The following OLFM1 variants were observed in gnomAD, a reference collection of about 807,000 sequenced individuals.
OLFM1 encodes olfactomedin 1.
OLFM1 carries 9 observed loss-of-function variants against 49.7 expected under a neutral mutation model. That is an observed-to-expected ratio of 0.18 (90% CI 0.11 to 0.32). The LOEUF is 0.32. OLFM1 is among the 10% of genes least tolerant of loss of function. The pLI is 1.00. For missense variants in OLFM1, 369 were observed against 661.8 expected (o/e 0.56, Z 4.85); for synonymous variants, 240 against 271.8 (o/e 0.88, Z 1.15).
rs1831166809 is a variant in OLFM1, at chr9:135,120,115, C to T, written c.1395C>T (p.Asn465=). 1 of 1,614,094 alleles carries T rather than the reference C, an allele frequency of 6.2e-7. No homozygotes were observed. Among genetic ancestry groups the T allele is most frequent in the Non-Finnish European group, 8.5e-7 (1 of 1,180,024 alleles). The change falls in exon 6 of 6, where the codon AAC becomes AAT. Residue 465 remains asparagine (N), a synonymous_variant. Transcript: ENST00000371793. ...AGGACCGGGCCCTGTATGCCTGGAA[C>T]AACGGCCACCAGATCCTCTACAACG... ...NPKDRALYAW[N]NGHQILYNVT...
In OLFM1 at chr9:135,088,063, C is replaced by T; in HGVS notation, c.74C>T (p.Thr25Met). The T allele has an allele frequency of 6.9e-7, 1 of 1,449,202 alleles. No individual in the cohort carries two copies. The highest frequency in any genetic ancestry group is 9.2e-7 in the Non-Finnish European group (1 of 1,088,810). 89.8% of individuals were successfully genotyped at this position (1,449,202 alleles called of 1,614,324 possible). A position where few individuals can be genotyped will look rare whatever the true frequency, so the allele number is the denominator to read the frequency against. The stretch of plus-strand genomic sequence containing the variant: ...ATGATCACTAACTGGATGTCCCAGA[C>T]GCTGCCCTCGCTGGTGGGCCTCAAC... ...MAMITNWMSQ[T>M]LPSLVGLNTT... The change falls in exon 1 of 6, where the codon ACG becomes ATG. Residue 25 changes from threonine (T) to methionine (M), a missense_variant. By Grantham distance (81) the Thr-to-Met change is moderately conservative (BLOSUM62 -1). Transcript: ENST00000371793. The surrounding 1 kb of genome is among the most constrained non-coding windows in gnomAD (Gnocchi z 4.8).
chr9:135,112,847 G>A (rs946043347), intron 5 of OLFM1, among the ~76,000 whole-genome samples: 2 of 152,208 alleles, frequency 1.3e-5, no homozygotes, highest in African/African-American at 4.8e-5. Flanking sequence ...CTGAGGGGGA[G>A]AAGGAAGGGG....
chr9:135,077,201 A>C (rs1014615723), intron 1 of OLFM1: 1 of 1,528,358 alleles, frequency 6.5e-7, no homozygotes, highest in African/African-American at 1.4e-5. Context: ...CCTGCAGAGA[A>C]GAGCCAACCA....
chr9:135,093,923 G>A (rs1830748606), intron 2 of OLFM1, among the ~76,000 whole-genome samples: 1 of 152,146 alleles, frequency 6.6e-6, no homozygotes, highest in Non-Finnish European at 1.5e-5. Context: ...GAATAGCTTG[G>A]TATCTTTAAA....
In OLFM1 at chr9:135,099,233, A is replaced by G. The variant is rs77706735; in HGVS notation, c.676+728A>G. ...CTTTTAATTTTTCTTAAGAAATATT[A>G]GCCATCCGTCCTCACCAAGCTGTTT... On this transcript the variant is annotated intron_variant, in intron 4 of 5. Coordinates refer to ENST00000371793, the MANE Select transcript of OLFM1 (RefSeq NM_001282611.2). Among the ~76,000 whole-genome samples, 558 of 152,372 alleles carry G rather than the reference A, an allele frequency of 3.7e-3. 3 individuals are homozygous for G. Among genetic ancestry groups the G allele is most frequent in the African/African-American group, 0.013 (536 of 41,580 alleles).
intron 2 of OLFM1, 132 bp from the exon 3 acceptor site, chr9:135,095,732 A>G: frequency 1.1e-6 from 1 of 905,364 alleles, no homozygotes; most frequent in Non-Finnish European, 1.7e-6. Flanking sequence ...TACCTTGTAA[A>G]TAATGCATGG....
intron 2 of OLFM1, among the ~76,000 whole-genome samples, chr9:135,091,673 ACTCACACATAGTCT>A (rs1830701811): frequency 5.4e-4 from 1 of 1,862 alleles, no homozygotes; most frequent in Non-Finnish European, 1.3e-3. Flanking sequence ...ACAGTCACAC[ACTCACACATAGTCT>A]CACACACACA....
At chr9:135,087,641 C>T (rs890621206), upstream of OLFM1, 90 of 568,884 alleles carry the variant, frequency 1.6e-4, no homozygotes, top group African/African-American at 1.6e-3. Context: ...CCGGCCGCGG[C>T]CCCCGCGCGC....
intron 5 of OLFM1, among the ~76,000 whole-genome samples, chr9:135,118,674 CTCTTTGGAGTGCTCACTGGG>C (rs1831135384): frequency 9.3e-6 from 1 of 107,816 alleles, no homozygotes; most frequent in Non-Finnish European, 1.9e-5. Flanking sequence ...TACTCACTGG[CTCTTTGGAGTGCTCACTGGG>C]TCTTTGGAAA....
chr9:135,119,762 G>A lies in OLFM1; in HGVS notation c.1042G>A (p.Ala348Thr), dbSNP rs758826325. 3 of 1,613,944 alleles carry A rather than the reference G, an allele frequency of 1.9e-6. No homozygotes were observed. The highest frequency in any genetic ancestry group is 1.3e-5 in the African/African-American group (1 of 75,034). ...YAGYNNMYHYAWGGHSDIDLM... is the reference protein window; with the variant it reads ...YAGYNNMYHYTWGGHSDIDLM... ...CGGTTACAACAACATGTACCACTAC[G>A]CCTGGGGTGGCCACTCGGACATCGA... Residue 348 changes from alanine (A) to threonine (T), a missense_variant, in exon 6 of 6, where the codon GCC (alanine) becomes ACC (threonine). Physicochemically the swap from Ala to Thr is moderately conservative, Grantham distance 58. Transcript: ENST00000371793.
chr9:135,112,237 C>T (rs547294350), intron 5 of OLFM1, among the ~76,000 whole-genome samples: 1 of 152,338 alleles, frequency 6.6e-6, no homozygotes, highest in South Asian at 2.1e-4. Flanking sequence ...GGAAAGACGG[C>T]ACCAGGGGCC....
At position 135,119,939 on chromosome 9, in the gene OLFM1, A is replaced by G. The variant is rs764638062; in HGVS notation, c.1219A>G (p.Ile407Val). Residue 407 changes from isoleucine to valine, a missense_variant, in exon 6 of 6, where the codon ATC becomes GTC. Physicochemically the swap from Ile to Val is conservative, Grantham distance 29 (BLOSUM62 3). Transcript: ENST00000371793. ...CAAGCGCAGCGCCGGGGAGGCCTTCATCATCTGCGGCACGCTGTACGTCAC... is the reference window on the plus strand; with the variant it reads ...CAAGCGCAGCGCCGGGGAGGCCTTCGTCATCTGCGGCACGCTGTACGTCAC... ...YPKRSAGEAF[I>V]ICGTLYVTNG... The G allele has an allele frequency of 6.2e-6, 10 of 1,613,494 alleles. No individual in the cohort carries two copies. The highest frequency in any genetic ancestry group is 1.3e-5 in the African/African-American group (1 of 74,936).
At chr9:135,103,201 C>T (rs1190913320) in intron 4 of OLFM1, among the ~76,000 whole-genome samples, 1 of 152,232 alleles carries the variant, frequency 6.6e-6, no homozygotes, top group Non-Finnish European at 1.5e-5. Flanking sequence ...TGCCTCTCCC[C>T]TCCTCTTCCC....
At chr9:135,075,863 C>A (rs1358492278) in intron 1 of OLFM1, 5 of 1,504,496 alleles carry the variant, frequency 3.3e-6, no homozygotes, top group Non-Finnish European at 4.5e-6. Context: ...CCTCGGGAGC[C>A]CCACAAAGTC....
chr9:135,076,924 G>C, intron 1 of OLFM1: 1 of 1,550,640 alleles, frequency 6.4e-7, no homozygotes, highest in Non-Finnish European at 8.7e-7. Flanking sequence ...GCCCACGCTG[G>C]CTCCCTGGCT....
intron 2 of OLFM1, among the ~76,000 whole-genome samples, chr9:135,092,030 C>T (rs953387773): frequency 6.6e-5 from 10 of 152,108 alleles, no homozygotes; most frequent in Non-Finnish European, 1.3e-4. Flanking sequence ...CTGTGAGGGG[C>T]GGGGGGCCTC....
At chr9:135,075,820 C>T (rs781248753) in intron 1 of OLFM1, 2 of 1,591,722 alleles carry the variant, frequency 1.3e-6, no homozygotes, top group South Asian at 2.2e-5. Context: ...CATCCAACGC[C>T]ATTTTCCTCC....
At chr9:135,110,103 C>T (rs1264604731) in intron 5 of OLFM1, among the ~76,000 whole-genome samples, 4 of 152,338 alleles carry the variant, frequency 2.6e-5, no homozygotes, top group South Asian at 2.1e-4. Flanking sequence ...CCTTCCCGCC[C>T]GTCCCATTGC....
At chr9:135,104,634 G>T (rs1441008323) in intron 4 of OLFM1, among the ~76,000 whole-genome samples, 1 of 152,220 alleles carries the variant, frequency 6.6e-6, no homozygotes, top group African/African-American at 2.4e-5. Context: ...ATGTTCACAG[G>T]GCCAAGGCAC....
Sources: allele counts gnomAD v4.1 joint callset (sites outside exome capture counted in the v4.1 genomes callset), GRCh38; gene constraint gnomAD v4.1.1; non-coding constraint Gnocchi (gnomAD v3.1); transcripts MANE v1.5; gene names NCBI Gene and HGNC (gene_info 2026-07-23, HGNC 2026-07-21).